Variants in TMEM132C observed in about 807,000 individuals in gnomAD.
TMEM132C encodes protein phosphatase 1, regulatory subunit 152.
TMEM132C carries 29 observed loss-of-function variants against 61.4 expected under a neutral mutation model. The observed-to-expected ratio is 0.47, with a 90% confidence interval of 0.35 to 0.64. TMEM132C has a LOEUF of 0.64. Among genes scored for constraint, TMEM132C ranks in the 30% least tolerant of loss-of-function variants. TMEM132C has a pLI of 0.00. For synonymous variants in TMEM132C, 656 were observed against 633.1 expected (o/e 1.04, Z -0.54); for missense variants, 1,408 against 1,476.9 (o/e 0.95, Z 0.76).
In TMEM132C at chr12:128,544,219, A is replaced by G. The variant is rs1055737694; in HGVS notation, c.1121+116A>G. ...AGCGGCTGCTCAGAGGAGCTATTGAACCCACCACGTGGAAATCTGGAGGCA... is the reference window on the plus strand; with the variant it reads ...AGCGGCTGCTCAGAGGAGCTATTGAGCCCACCACGTGGAAATCTGGAGGCA... On this transcript the variant is annotated intron_variant, in intron 3 of 8. Transcript: ENST00000435159. 68 of 1,363,466 alleles carry G rather than the reference A, an allele frequency of 5.0e-5. No individual in the cohort carries two copies. The Middle Eastern group carries it at 1.3e-3, about 27-fold the overall frequency. 84.5% of individuals were successfully genotyped at this position (1,363,466 alleles called of 1,614,324 possible). A position where few individuals can be genotyped will look rare whatever the true frequency, so the allele number is the denominator to read the frequency against.
At chr12:128,672,697 G>A (rs1954544681) in intron 5 of TMEM132C, among the ~76,000 whole-genome samples, 1 of 152,216 alleles carries the variant, frequency 6.6e-6, no homozygotes, top group Non-Finnish European at 1.5e-5. Context: ...AGGCTTGGCT[G>A]TGGCCTTGGG....
intron 3 of TMEM132C, among the ~76,000 whole-genome samples, chr12:128,605,372 T>A (rs1397819675): frequency 6.6e-6 from 1 of 151,580 alleles, no homozygotes; most frequent in Non-Finnish European, 1.5e-5. Context: ...CTGGGGAGAG[T>A]CAGCCCTTTT....
chr12:128,559,403 A>T (rs886371823), intron 3 of TMEM132C, among the ~76,000 whole-genome samples: 1 of 152,120 alleles, frequency 6.6e-6, no homozygotes, highest in African/African-American at 2.4e-5. Context: ...GCCTGGAAGT[A>T]CTGCTTTGAA....
chr12:128,352,087 A>G (rs1203087197), intron 1 of TMEM132C, among the ~76,000 whole-genome samples: 2 of 152,158 alleles, frequency 1.3e-5, no homozygotes, highest in African/African-American at 4.8e-5. Flanking sequence ...CTGATTGCAC[A>G]AGGCCTACCC....
At chr12:128,430,095 C>T (rs1869335164) in intron 2 of TMEM132C, among the ~76,000 whole-genome samples, 1 of 152,146 alleles carries the variant, frequency 6.6e-6, no homozygotes, top group African/African-American at 2.4e-5. Context: ...TACAGAGTCT[C>T]CAGAGAGTTC....
intron 2 of TMEM132C, among the ~76,000 whole-genome samples, chr12:128,492,485 G>A (rs188867629): frequency 8.5e-5 from 13 of 152,210 alleles, no homozygotes; most frequent in Admixed American, 5.2e-4. Context: ...AAAGTGTTCC[G>A]ATTTCTCCAC....
At chr12:128,516,014 G>C (rs1872706677) in intron 2 of TMEM132C, among the ~76,000 whole-genome samples, 1 of 152,176 alleles carries the variant, frequency 6.6e-6, no homozygotes, top group Admixed American at 6.5e-5. Context: ...TGGTTCGCTG[G>C]TTTGAGGTCC....
intron 1 of TMEM132C, among the ~76,000 whole-genome samples, chr12:128,363,844 C>CG (rs1873778793): frequency 1.1e-5 from 1 of 87,816 alleles, no homozygotes; most frequent in East Asian, 3.8e-4. Flanking sequence ...GACTCTGTCT[C>CG]GAAAAAAAAA....
intron 5 of TMEM132C, among the ~76,000 whole-genome samples, chr12:128,673,747 C>G (rs541533265): frequency 1.6e-4 from 25 of 152,320 alleles, no homozygotes; most frequent in African/African-American, 5.8e-4. Flanking sequence ...ACAGCGTTCC[C>G]TCCAGTACTC....
chr12:128,544,527 A>C (rs1462619700), intron 3 of TMEM132C, among the ~76,000 whole-genome samples: 1 of 152,246 alleles, frequency 6.6e-6, no homozygotes, highest in Non-Finnish European at 1.5e-5. Context: ...ATAATGGAGA[A>C]GCACCTGCTA....
At chr12:128,377,805 T>C (rs983751843) in intron 1 of TMEM132C, among the ~76,000 whole-genome samples, 10 of 152,176 alleles carry the variant, frequency 6.6e-5, no homozygotes, top group African/African-American at 2.4e-4. Flanking sequence ...AATAGTCGAC[T>C]TGTAGATCTG....
chr12:128,331,330 C>T (rs1872661343), intron 1 of TMEM132C, among the ~76,000 whole-genome samples: 1 of 152,210 alleles, frequency 6.6e-6, no homozygotes, highest in Non-Finnish European at 1.5e-5. Flanking sequence ...TTTATGGGTA[C>T]ATGTGCAATT....
chr12:128,387,155 A>AG (rs1874611210), intron 1 of TMEM132C, among the ~76,000 whole-genome samples: 1 of 151,674 alleles, frequency 6.6e-6, no homozygotes, highest in Non-Finnish European at 1.5e-5. Flanking sequence ...AAAAAAAAAA[A>AG]AAAAAAGAAA....
At chr12:128,664,197 C>CACATGCG (rs1954433350) in intron 4 of TMEM132C, among the ~76,000 whole-genome samples, 2 of 93,510 alleles carry the variant, frequency 2.1e-5, no homozygotes, top group South Asian at 2.6e-4. Flanking sequence ...CAGGCACTCA[C>CACATGCG]ACAGGCACAC....
At chr12:128,463,135 C>A (rs191774141) in intron 2 of TMEM132C, among the ~76,000 whole-genome samples, 2 of 152,080 alleles carry the variant, frequency 1.3e-5, no homozygotes, top group African/African-American at 2.4e-5. Context: ...GGAGGTCTTC[C>A]GGCTACCTCC....
At chr12:128,267,529 C>G in intron 1 of TMEM132C, 42 bp downstream of exon 1, 1 of 1,225,280 alleles carries the variant, frequency 8.2e-7, no homozygotes, top group Non-Finnish European at 1.0e-6. Context: ...CGCATGCGAA[C>G]TTCCCGGTTC....
At chr12:128,577,321 T>G (rs1875149490) in intron 3 of TMEM132C, among the ~76,000 whole-genome samples, 1 of 152,250 alleles carries the variant, frequency 6.6e-6, no homozygotes, top group Non-Finnish European at 1.5e-5. Context: ...ACCTGTGCTC[T>G]TAGTCCCATT....
At chr12:128,599,461 C>T (rs1293085072) in intron 3 of TMEM132C, among the ~76,000 whole-genome samples, 1 of 152,214 alleles carries the variant, frequency 6.6e-6, no homozygotes, top group Non-Finnish European at 1.5e-5. Flanking sequence ...GGGCCTCTGA[C>T]ATGTTGCTCC....
At chr12:128,702,932 A>G (rs1024912154) in intron 8 of TMEM132C, among the ~76,000 whole-genome samples, 1 of 152,120 alleles carries the variant, frequency 6.6e-6, no homozygotes, top group Non-Finnish European at 1.5e-5. Context: ...TTGCTGTGAA[A>G]AAGGCAGGGA....
Sources: allele counts gnomAD v4.1 joint callset (sites outside exome capture counted in the v4.1 genomes callset), GRCh38; gene constraint gnomAD v4.1.1; transcripts MANE v1.5; gene names NCBI Gene and HGNC (gene_info 2026-07-23, HGNC 2026-07-21).